The following CYP3A5 variants were observed in gnomAD, a reference collection of about 807,000 sequenced individuals.
The protein encoded by CYP3A5 is cytochrome P450 family 3 subfamily A member 5, also known as cytochrome P450 3A5.
A neutral mutation model predicts 55.9 loss-of-function variants in CYP3A5; 51 were observed. The ratio of observed to expected loss-of-function variants is 0.91; its 90% confidence interval spans 0.73 to 1.15. The LOEUF is 1.15. Among genes scored for constraint, CYP3A5 ranks in the 50% most tolerant of loss-of-function variants. CYP3A5 has a pLI of 0.00. For missense variants in CYP3A5, 533 were observed against 596.6 expected (o/e 0.89, Z 1.11); for synonymous variants, 196 against 213.9 (o/e 0.92, Z 0.73).
In CYP3A5 at chr7:99,670,261, C is replaced by T. The variant is rs150436840; in HGVS notation, c.318+2319G>A. On this transcript the variant is annotated intron_variant, in intron 4 of 12. Coordinates refer to ENST00000222982, the MANE Select transcript of CYP3A5 (RefSeq NM_000777.5). Reference sequence around the variant, plus strand: ...GATTTAGCATTTTTAGTGGGTTTGACGGCCCATTTAAGTGAGTTAAACCTG... The same window carrying T: ...GATTTAGCATTTTTAGTGGGTTTGATGGCCCATTTAAGTGAGTTAAACCTG... Among the ~76,000 whole-genome samples, 891 of 152,236 alleles carry T rather than the reference C, an allele frequency of 5.9e-3. 5 individuals carry two copies. Among genetic ancestry groups the T allele is most frequent in the Non-Finnish European group, 9.0e-3 (612 of 68,004 alleles).
At chr7:99,679,301 G>A (rs1217848177) in intron 1 of CYP3A5, among the ~76,000 whole-genome samples, 1 of 152,112 alleles carries the variant, frequency 6.6e-6, no homozygotes, top group Non-Finnish European at 1.5e-5. Context: ...GGTGTCCCCT[G>A]GTGCGTTATG....
chr7:99,671,751 AG>A (rs1343561235), intron 4 of CYP3A5: 1 of 690,084 alleles, frequency 1.4e-6, no homozygotes, highest in African/African-American at 1.8e-5. Context: ...AATAAATAAA[AG>A]TTTGCTCTGA....
In CYP3A5 at chr7:99,653,076, T is replaced by G. The variant is rs947950890; in HGVS notation, c.1027-297A>C. Among the ~76,000 whole-genome samples the G allele has an allele frequency of 1.3e-5, 2 of 152,302 alleles. No individual in the cohort carries two copies. The highest frequency in any genetic ancestry group is 3.9e-4 in the East Asian group (2 of 5,190). On this transcript the variant is annotated intron_variant, in intron 10 of 12. Transcript: ENST00000222982. This position sits in a 1 kb window ranked among gnomAD's most constrained non-coding sequence, Gnocchi z 4.2. ...TCTTTCTCATGGGAAGAAATGTGAT[T>G]AATGGGGCTATGACCATTACCACCA...
Position 99,666,944 on chromosome 7 carries a change from T to G in CYP3A5, c.432+8A>C. ...CATTTCTAATTAAGACTCATCTTAT[T>G]TTCATACCTCCTTGAGTTTTCCGCT... On this transcript the variant is annotated splice_region_variant and intron_variant, in intron 5 of 12. Transcript: ENST00000222982. 6.2e-7 allele frequency: 1 copy of G among 1,612,852 alleles called. No homozygotes were observed. Among genetic ancestry groups the G allele is most frequent in the South Asian group, 1.1e-5 (1 of 91,038 alleles).
intron 1 of CYP3A5, among the ~76,000 whole-genome samples, chr7:99,676,737 A>G (rs1406603443): frequency 6.6e-6 from 1 of 152,094 alleles, no homozygotes; most frequent in African/African-American, 2.4e-5. Flanking sequence ...CTAAGCTCTG[A>G]CCCTGTTTTA....
intron 10 of CYP3A5, chr7:99,659,489 G>A (rs1171808851): frequency 6.5e-6 from 1 of 154,292 alleles, no homozygotes; most frequent in African/African-American, 2.4e-5. Context: ...GCCCCTACTG[G>A]GGGGTGCCTC....
intron 10 of CYP3A5, among the ~76,000 whole-genome samples, chr7:99,655,194 G>A (rs183296923): frequency 6.2e-4 from 95 of 152,274 alleles, no homozygotes; most frequent in East Asian, 3.7e-3. Context: ...TTTTCTTCTA[G>A]GGTTTTTATG....
intron 1 of CYP3A5, 50 bp downstream of exon 1, chr7:99,679,776 A>G: frequency 1.3e-6 from 2 of 1,568,448 alleles, no homozygotes; most frequent in Non-Finnish European, 8.8e-7. Context: ...GGGCCCGATT[A>G]GCACCCCAAG....
Position 99,662,720 on chromosome 7 carries a change from T to C in CYP3A5, c.865+96A>G. The stretch of plus-strand genomic sequence containing the variant: ...GTGTTGTTCTGCTATGTGGCAAAAA[T>C]TCTCATCTTCCTGGAATACTTCCTG... On this transcript the variant is annotated intron_variant, in intron 9 of 12. Coordinates refer to ENST00000222982, the MANE Select transcript of CYP3A5 (RefSeq NM_000777.5). This position sits in a 1 kb window ranked among gnomAD's most constrained non-coding sequence, Gnocchi z 4.3. 8.0e-7 allele frequency: 1 copy of C among 1,246,760 alleles called. No individual in the cohort carries two copies. Among genetic ancestry groups the C allele is most frequent in the Non-Finnish European group, 1.2e-6 (1 of 864,884 alleles). The allele number at this position is 1,246,760 out of a possible 1,614,324, so 77.2% of individuals were successfully genotyped here.
chr7:99,670,090 A>G (rs1469548518), intron 4 of CYP3A5, among the ~76,000 whole-genome samples: 1 of 152,116 alleles, frequency 6.6e-6, no homozygotes, highest in African/African-American at 2.4e-5. Flanking sequence ...ATGGATGCTG[A>G]CTCTAGCAAG....
intron 7 of CYP3A5, 80 bp from the exon 8 acceptor site, chr7:99,664,175 A>G (rs754429048): frequency 1.2e-5 from 14 of 1,145,738 alleles, no homozygotes; most frequent in Non-Finnish European, 1.8e-5. Context: ...TTTCTCTACC[A>G]GTAATAAGAA....
chr7:99,648,249 C>A lies in CYP3A5; in HGVS notation c.*56G>T. The A allele has an allele frequency of 6.3e-7, 1 of 1,583,566 alleles. No individual in the cohort carries two copies. The highest frequency in any genetic ancestry group is 8.6e-7 in the Non-Finnish European group (1 of 1,164,162). Reference sequence around the variant, plus strand: ...GGTTTTATTGACTAAGTTGAAATCTCTGGTGTTCTGGGGCACAGCTTTCTT... The same window carrying A: ...GGTTTTATTGACTAAGTTGAAATCTATGGTGTTCTGGGGCACAGCTTTCTT... On this transcript the variant is annotated 3_prime_UTR_variant, in exon 13 of 13. Transcript: ENST00000222982.
chr7:99,660,852 A>G (rs192274682), intron 9 of CYP3A5, among the ~76,000 whole-genome samples, 193 bp from the exon 10 acceptor site: 1 of 152,178 alleles, frequency 6.6e-6, no homozygotes, highest in African/African-American at 2.4e-5. Context: ...ATTTTAATCC[A>G]GGTTTTCCCA....
chr7:99,679,733 C>T, intron 1 of CYP3A5, 93 bp downstream of exon 1: 1 of 1,217,604 alleles, frequency 8.2e-7, no homozygotes, highest in African/African-American at 1.5e-5. Context: ...CCTTGAACAT[C>T]TCTTTTGATC....
At chr7:99,649,014 A>C (rs1481474414) in intron 12 of CYP3A5, among the ~76,000 whole-genome samples, 4 of 152,180 alleles carry the variant, frequency 2.6e-5, no homozygotes, top group South Asian at 2.1e-4. Flanking sequence ...TACTTCTAGC[A>C]CTATTGTCAC....
intron 4 of CYP3A5, 50 bp from the exon 5 acceptor site, chr7:99,667,115 A>T: frequency 6.6e-7 from 1 of 1,526,120 alleles, no homozygotes; most frequent in South Asian, 1.2e-5. Context: ...GGTGATCTTC[A>T]TGGTTGCACA....
At chr7:99,672,295 C>T (rs1811741731) in intron 4 of CYP3A5, among the ~76,000 whole-genome samples, 1 of 152,094 alleles carries the variant, frequency 6.6e-6, no homozygotes, top group Non-Finnish European at 1.5e-5. Context: ...CGTGATCCAC[C>T]TGCCTCGGCC....
At position 99,676,189 on chromosome 7, in the gene CYP3A5, C is replaced by T; in HGVS notation, c.91G>A (p.Gly31Arg). 6.2e-7 allele frequency: 1 copy of T among 1,613,754 alleles called. No homozygotes were observed. Among genetic ancestry groups the T allele is most frequent in the South Asian group, 1.1e-5 (1 of 91,070 alleles). ...GGAATTCCCAGTCTCTTAAAAAGTCCATGTGTACGGGTCCCATATCTACAA... is the reference window on the plus strand; with the variant it reads ...GGAATTCCCAGTCTCTTAAAAAGTCTATGTGTACGGGTCCCATATCTACAA... ...LLYLYGTRTH[G>R]LFKRLGIPGP... Residue 31 changes from glycine to arginine, a missense_variant, in exon 2 of 13, where the codon GGA becomes AGA. Physicochemically the swap from Gly to Arg is moderately radical, Grantham distance 125. Transcript: ENST00000222982.
chr7:99,652,433 TA>T, intron 11 of CYP3A5, 119 bp downstream of exon 11: 1 of 710,662 alleles, frequency 1.4e-6, no homozygotes. Context: ...TTTTTTGTGA[TA>T]AAAAGACTTA....
Sources: gnomAD v4.1 joint callset for allele counts (sites outside exome capture counted in the v4.1 genomes callset) on GRCh38, gnomAD v4.1.1 for gene constraint, Gnocchi (gnomAD v3.1) non-coding constraint, MANE v1.5 for transcripts, NCBI Gene and HGNC (gene_info 2026-07-23, HGNC 2026-07-21) for gene names.